DYNC2H1: variants seen among roughly 807,000 people sequenced by gnomAD.
DYNC2H1 encodes cytoplasmic dynein 2 heavy chain 1.
DYNC2H1 carries 410 observed loss-of-function variants against 570.0 expected under a neutral mutation model. That is an observed-to-expected ratio of 0.72 (90% CI 0.66 to 0.78). DYNC2H1 has a LOEUF of 0.78. Ranked by LOEUF, DYNC2H1 falls within the 30% of genes least tolerant of loss-of-function variation. DYNC2H1 has a pLI of 0.00. For missense variants in DYNC2H1, 4,865 were observed against 5,046.4 expected (o/e 0.96, Z 1.09); for synonymous variants, 1,688 against 1,677.6 (o/e 1.01, Z -0.15).
At chr11:103,202,229 G>A (rs1334048532) in intron 50 of DYNC2H1, among the ~76,000 whole-genome samples, 1 of 149,724 alleles carries the variant, frequency 6.7e-6, no homozygotes, top group African/African-American at 2.4e-5. Flanking sequence ...ACATTCCTGC[G>A]TATTGCTTCA....
At chr11:103,342,687 G>A (rs1939526564) in intron 82 of DYNC2H1, among the ~76,000 whole-genome samples, 1 of 151,928 alleles carries the variant, frequency 6.6e-6, no homozygotes, top group South Asian at 2.1e-4. Flanking sequence ...TGTATTTTTA[G>A]TAGAGATGGG....
Position 103,257,729 on chromosome 11 carries a change from A to G in DYNC2H1, c.10583A>G (p.Gln3528Arg), listed in dbSNP as rs1449952372. 3.7e-6 allele frequency: 6 copies of G among 1,600,228 alleles called. No individual in the cohort carries two copies. The African/African-American group carries it at 4.0e-5, about 11-fold the overall frequency. ...FSLAAFLRLF[Q>R]RALQNKQDSE... ...TTGGCTGCTTTTCTCCGACTTTTCC[A>G]ACGAGCTCTACAAAACAAACAGGTA... Residue 3528 changes from glutamine (Q) to arginine (R), a missense_variant, in exon 69 of 89, where the codon CAA becomes CGA. Transcript: ENST00000375735.
At chr11:103,391,392 A>G (rs929815251) in intron 83 of DYNC2H1, among the ~76,000 whole-genome samples, 5 of 152,140 alleles carry the variant, frequency 3.3e-5, no homozygotes, top group African/African-American at 7.2e-5. Context: ...TTAGTTAGCC[A>G]TTCATCTAAT....
chr11:103,442,588 A>G (rs1944304834), intron 85 of DYNC2H1, among the ~76,000 whole-genome samples: 1 of 152,170 alleles, frequency 6.6e-6, no homozygotes, highest in Non-Finnish European at 1.5e-5. Context: ...CTACAATGAT[A>G]TGCAGTTTTA....
chr11:103,283,435 ATGT>A (rs1357555840), intron 73 of DYNC2H1, among the ~76,000 whole-genome samples: 1 of 152,060 alleles, frequency 6.6e-6, no homozygotes, highest in African/African-American at 2.4e-5. Flanking sequence ...TCAGGCTAAA[ATGT>A]TGTTTTTGTG....
At chr11:103,330,181 T>G (rs1052316349) in intron 82 of DYNC2H1, among the ~76,000 whole-genome samples, 1 of 152,230 alleles carries the variant, frequency 6.6e-6, no homozygotes, top group South Asian at 2.1e-4. Flanking sequence ...GCCACGTAAG[T>G]GGTAAAATAG....
At chr11:103,467,002 ATTG>A (rs1248687736) in intron 87 of DYNC2H1, among the ~76,000 whole-genome samples, 7 of 152,272 alleles carry the variant, frequency 4.6e-5, no homozygotes, top group Admixed American at 1.3e-4. Flanking sequence ...AAATGGATAA[ATTG>A]TTGTATATTA....
At position 103,185,185 on chromosome 11, in the gene DYNC2H1, T is replaced by C; in HGVS notation, c.6633+134T>C. ...TGAAATTATGTATTCAATTGAGTAATAATGTATTTATGTATGTGTATTTAT... is the reference window on the plus strand; with the variant it reads ...TGAAATTATGTATTCAATTGAGTAACAATGTATTTATGTATGTGTATTTAT... On this transcript the variant is annotated intron_variant, in intron 41 of 88. Coordinates refer to ENST00000375735, the MANE Select transcript of DYNC2H1 (RefSeq NM_001377.3). This position sits in a 1 kb window ranked among gnomAD's most constrained non-coding sequence, Gnocchi z 4.5. The C allele has an allele frequency of 1.4e-6, 1 of 690,024 alleles. No homozygotes were observed. Among genetic ancestry groups the C allele is most frequent in the Non-Finnish European group, 2.3e-6 (1 of 443,208 alleles). The allele number at this position is 690,024 out of a possible 1,614,324, so 42.7% of individuals were successfully genotyped here. A position where few individuals can be genotyped will look rare whatever the true frequency, so the allele number is the denominator to read the frequency against.
rs1945027499 is a variant in DYNC2H1 at position 103,461,908 on chromosome 11, G to A, written c.12648+5552G>A. Among the ~76,000 whole-genome samples, 2 of 151,002 alleles carry A rather than the reference G, an allele frequency of 1.3e-5. No individual in the cohort carries two copies. Among genetic ancestry groups the A allele is most frequent in the African/African-American group, 2.4e-5 (1 of 41,112 alleles). ...CATCATTTTATTTTACCCCTCTATG[G>A]TTCTGAATGTGTTTCTTTAAAAATA... On this transcript the variant is annotated intron_variant, in intron 87 of 88. Coordinates refer to ENST00000375735, the MANE Select transcript of DYNC2H1 (RefSeq NM_001377.3). The surrounding 1 kb of genome is among the most constrained non-coding windows in gnomAD (Gnocchi z 4.8).
chr11:103,397,783 T>C (rs533670433), intron 83 of DYNC2H1, among the ~76,000 whole-genome samples: 1 of 152,226 alleles, frequency 6.6e-6, no homozygotes, highest in African/African-American at 2.4e-5. Flanking sequence ...TATTCCTAGC[T>C]ACTCAGGAGG....
intron 83 of DYNC2H1, among the ~76,000 whole-genome samples, chr11:103,393,172 T>C (rs2514417): frequency 0.67 from 102,216 of 152,140 alleles, 34,480 homozygotes; most frequent in Admixed American, 0.73. Flanking sequence ...GTGTGAGCCA[T>C]GGCACCCAGC....
chr11:103,476,402 G>T (rs1945548479), intron 88 of DYNC2H1, among the ~76,000 whole-genome samples: 1 of 151,994 alleles, frequency 6.6e-6, no homozygotes, highest in East Asian at 1.9e-4. Flanking sequence ...TGTGTATTTT[G>T]TTTCCTAAAG....
intron 84 of DYNC2H1, among the ~76,000 whole-genome samples, chr11:103,435,344 A>T (rs11225796): frequency 0.055 from 8,321 of 152,222 alleles, 283 homozygotes; most frequent in Non-Finnish European, 0.079. Context: ...CTTCACCAAA[A>T]AGGTATATTA....
intron 61 of DYNC2H1, 61 bp downstream of exon 61, chr11:103,234,221 A>G: frequency 6.7e-7 from 1 of 1,495,434 alleles, no homozygotes; most frequent in Non-Finnish European, 9.0e-7. Context: ...TCTATAATGT[A>G]ATGTATGTTA....
At position 103,129,011 on chromosome 11, in the gene DYNC2H1, T is replaced by C. The variant is rs930752057; in HGVS notation, c.1953+6T>C. The C allele has an allele frequency of 6.3e-7, 1 of 1,592,542 alleles. No homozygotes were observed. Among genetic ancestry groups the C allele is most frequent in the African/African-American group, 1.3e-5 (1 of 74,510 alleles). On this transcript the variant is annotated splice_donor_region_variant and intron_variant, in intron 13 of 88. Coordinates refer to ENST00000375735, the MANE Select transcript of DYNC2H1 (RefSeq NM_001377.3). This position sits in a 1 kb window ranked among gnomAD's most constrained non-coding sequence, Gnocchi z 4.1. ...CATTTGAACAGATAATTAAGGTAAATGGGCTTTTAATTTTATTATAATTAG... is the reference window on the plus strand; with the variant it reads ...CATTTGAACAGATAATTAAGGTAAACGGGCTTTTAATTTTATTATAATTAG...
intron 36 of DYNC2H1, among the ~76,000 whole-genome samples, chr11:103,175,505 A>G (rs958132306): frequency 6.6e-6 from 1 of 152,236 alleles, no homozygotes; most frequent in Non-Finnish European, 1.5e-5. Context: ...GTACTTAAGC[A>G]TGGAAATATT....
rs570599091 is a variant in DYNC2H1, at chr11:103,381,481, G to A, written c.12157-18182G>A. Among the ~76,000 whole-genome samples, 31 of 152,058 alleles carry A rather than the reference G, an allele frequency of 2.0e-4. No homozygotes were observed. In the East Asian group the frequency reaches 4.4e-3, roughly 22 times the overall value. On this transcript the variant is annotated intron_variant, in intron 83 of 88. Transcript: ENST00000375735. ...ATTTATGTATTTGAGATGGAGTCTC[G>A]CTTTGTCACTCAGGCTGGAGTACAG...
chr11:103,393,429 G>GA (rs1242937396), intron 83 of DYNC2H1, among the ~76,000 whole-genome samples: 1 of 152,068 alleles, frequency 6.6e-6, no homozygotes, highest in East Asian at 1.9e-4. Context: ...TACTTTCCTA[G>GA]AAATAAAAAT....
chr11:103,452,510 T>C (rs1944643150), intron 85 of DYNC2H1, among the ~76,000 whole-genome samples: 1 of 151,976 alleles, frequency 6.6e-6, no homozygotes, highest in Non-Finnish European at 1.5e-5. Flanking sequence ...CCTAAAAATA[T>C]TAGTGTTAAT....
Sources: allele counts gnomAD v4.1 joint callset (sites outside exome capture counted in the v4.1 genomes callset), GRCh38; gene constraint gnomAD v4.1.1; non-coding constraint Gnocchi (gnomAD v3.1); transcripts MANE v1.5; gene names NCBI Gene and HGNC (gene_info 2026-07-23, HGNC 2026-07-21).